Variants in ATXN3 observed in about 807,000 individuals in gnomAD.
The protein encoded by ATXN3 is ataxin-3.
ATXN3 carries 28 observed loss-of-function variants against 58.2 expected under a neutral mutation model. The ratio of observed to expected loss-of-function variants is 0.48; its 90% CI spans 0.36 to 0.66. The LOEUF (loss-of-function observed/expected upper bound fraction) is 0.66. ATXN3 is among the 30% of genes least tolerant of loss of function. The pLI is 0.00. For missense variants in ATXN3, 321 were observed against 422.1 expected, an observed-to-expected ratio of 0.76 and a Z score of 2.10; for synonymous variants, 113 against 138.5, an observed-to-expected ratio of 0.82 and a Z score of 1.29.
At chr14:92,087,505 C>G (rs779470628) in intron 6 of ATXN3, among the ~76,000 whole-genome samples, 1 of 152,132 alleles carries the variant, frequency 6.6e-6, no homozygotes, top group Non-Finnish European at 1.5e-5. Context: ...AAAAGTAAAA[C>G]CAATCATCAT....
At chr14:92,105,436 A>T (rs2068057048) in intron 1 of ATXN3, among the ~76,000 whole-genome samples, 3 of 152,176 alleles carry the variant, frequency 2.0e-5, no homozygotes, top group Non-Finnish European at 4.4e-5. Flanking sequence ...ATTAAAAAAA[A>T]TTTATGCTAC....
chr14:92,074,060 C>T (rs2059926159), intron 9 of ATXN3, among the ~76,000 whole-genome samples: 1 of 147,758 alleles, frequency 6.8e-6, no homozygotes, highest in Admixed American at 6.8e-5. Context: ...GGCATGGTGG[C>T]TCATACCTGT....
At chr14:92,094,708 A>C (rs2064755655) in intron 3 of ATXN3, among the ~76,000 whole-genome samples, 1 of 152,238 alleles carries the variant, frequency 6.6e-6, no homozygotes. Flanking sequence ...ACAAAGAAGC[A>C]AGTGAGCCAG....
intron 10 of ATXN3, among the ~76,000 whole-genome samples, chr14:92,068,754 C>A (rs2058887787): frequency 6.6e-6 from 1 of 152,094 alleles, no homozygotes; most frequent in Non-Finnish European, 1.5e-5. Flanking sequence ...CCATGCCCGA[C>A]TAATCTTGTA....
upstream of ATXN3, chr14:92,050,491 T>C (rs1479332072): frequency 6.6e-6 from 1 of 152,300 alleles, no homozygotes; most frequent in Non-Finnish European, 1.5e-5. Context: ...TGAACCTCAG[T>C]GGCTACAGGT....
chr14:92,077,239 T>C (rs536052200), intron 9 of ATXN3, among the ~76,000 whole-genome samples: 2 of 152,288 alleles, frequency 1.3e-5, no homozygotes, highest in African/African-American at 4.8e-5. Context: ...CAAAGACTAT[T>C]TACTGTCATA....
chr14:92,045,256 C>T (rs563326209), intron 2 of ATXN3, among the ~76,000 whole-genome samples: 11 of 152,116 alleles, frequency 7.2e-5, no homozygotes, highest in Non-Finnish European at 1.5e-4. Flanking sequence ...AGATTGAGGA[C>T]GGTAAGGGGT....
Position 92,096,699 on chromosome 14 carries a change from C to T in ATXN3, c.164G>A (p.Ser55Asn), listed in dbSNP as rs771098090. The change falls in exon 2 of 11, where the codon AGT becomes AAT. Residue 55 changes from serine to asparagine, a missense_variant. Physicochemically the swap from Ser to Asn is conservative, Grantham distance 46 (BLOSUM62 1). Around this residue, in one of 2 missense-constraint regions of ATXN3, gnomAD observed 121 missense variants for 198.9 expected, o/e 0.61. Transcript: ENST00000644486. ...RMRMAEGGVT[S>N]EDYRTFLQQP... The stretch of plus-strand genomic sequence containing the variant: ...CTGTAAAAACGTGCGATAATCTTCA[C>T]TAGTAACTCCTCCTTCTGCCATTCT... 6.2e-7 allele frequency: 1 copy of T among 1,612,980 alleles called. No individual in the cohort carries two copies. Among genetic ancestry groups the T allele is most frequent in the East Asian group, 2.2e-5 (1 of 44,828 alleles).
downstream of ATXN3, among the ~76,000 whole-genome samples, chr14:92,054,476 G>C (rs2057458628): frequency 6.6e-6 from 1 of 152,230 alleles, no homozygotes; most frequent in Non-Finnish European, 1.5e-5. Context: ...CCAGCACCAT[G>C]ACAGTTTGCA....
intron 10 of ATXN3, among the ~76,000 whole-genome samples, chr14:92,065,892 T>A (rs1380619966): frequency 1.3e-5 from 2 of 151,404 alleles, no homozygotes; most frequent in Non-Finnish European, 2.9e-5. Flanking sequence ...AAAAGAAAAA[T>A]AATAATAATG....
At chr14:92,093,899 T>C (rs559636074) in intron 3 of ATXN3, 68 bp from the exon 4 acceptor site, 2 of 943,626 alleles carry the variant, frequency 2.1e-6, no homozygotes, top group East Asian at 2.4e-5. Flanking sequence ...AGTGTAGCTA[T>C]GTTAGTTGTG....
At chr14:92,102,610 G>A (rs1272412992) in intron 1 of ATXN3, among the ~76,000 whole-genome samples, 5 of 152,102 alleles carry the variant, frequency 3.3e-5, no homozygotes, top group Admixed American at 6.6e-5. Flanking sequence ...AGTGCTCTCC[G>A]AGCCCTTACT....
chr14:92,086,562 T>C (rs1362959577), intron 6 of ATXN3, among the ~76,000 whole-genome samples: 2 of 80,276 alleles, frequency 2.5e-5, no homozygotes, highest in African/African-American at 5.5e-5. Context: ...GGAAACTCCA[T>C]CTCAAAAAAA....
chr14:92,082,489 A>C, intron 7 of ATXN3, 23 bp from the exon 8 acceptor site: 1 of 1,588,310 alleles, frequency 6.3e-7, no homozygotes, highest in Non-Finnish European at 8.6e-7. Context: ...AGCACTGGTA[A>C]TAACTGCAAC....
At chr14:92,076,351 G>C (rs1324021536) in intron 9 of ATXN3, among the ~76,000 whole-genome samples, 1 of 151,822 alleles carries the variant, frequency 6.6e-6, no homozygotes, top group African/African-American at 2.4e-5. Context: ...GGGAGGCTGA[G>C]GCAGGGGAAT....
Position 92,095,975 on chromosome 14 carries a change from T to C in ATXN3, c.234+118A>G, listed in dbSNP as rs1305937890. 20 of 856,822 alleles carry C rather than the reference T, an allele frequency of 2.3e-5. No individual in the cohort carries two copies. The East Asian group carries it at 4.9e-4, about 21-fold the overall frequency. 53.1% of individuals were successfully genotyped at this position (856,822 alleles called of 1,614,324 possible). ...AAAAATCTAGTACTCTAGAGTATAATCTATACTCTGTAGACAGAAGAACTT... is the reference window on the plus strand; with the variant it reads ...AAAAATCTAGTACTCTAGAGTATAACCTATACTCTGTAGACAGAAGAACTT... On this transcript the variant is annotated intron_variant, in intron 3 of 10. Transcript: ENST00000644486.
At chr14:92,067,562 A>T (rs1034570381) in intron 10 of ATXN3, among the ~76,000 whole-genome samples, 4 of 152,012 alleles carry the variant, frequency 2.6e-5, no homozygotes, top group African/African-American at 9.7e-5. Flanking sequence ...ACGCCCAGCT[A>T]ATTTTTGTAT....
chr14:92,106,395 G>A (rs961896394), intron 1 of ATXN3, 134 bp downstream of exon 1: 6 of 1,129,510 alleles, frequency 5.3e-6, no homozygotes, highest in African/African-American at 1.6e-5. Flanking sequence ...GGGAGGCTGC[G>A]GCGTCGCCCC....
intron 6 of ATXN3, among the ~76,000 whole-genome samples, chr14:92,086,430 T>G (rs979810737): frequency 6.6e-6 from 1 of 151,664 alleles, no homozygotes; most frequent in Non-Finnish European, 1.5e-5. Context: ...CCAGGCATGG[T>G]GGCACATGCC....
Sources: allele counts gnomAD v4.1 joint callset (sites outside exome capture counted in the v4.1 genomes callset), GRCh38; gene constraint gnomAD v4.1.1; regional missense constraint gnomAD v4.1.1; transcripts MANE v1.5; gene names NCBI Gene and HGNC (gene_info 2026-07-23, HGNC 2026-07-21).